Variants in AMZ1 observed in about 807,000 individuals in gnomAD.
The protein encoded by AMZ1 is archaelysin family metallopeptidase 1, also known as archaemetzincin-1.
In AMZ1, 39 loss-of-function variants were observed where a neutral mutation model predicts 29.9. That is an observed-to-expected ratio of 1.30 (90% confidence interval 1.01 to 1.70). AMZ1 has a LOEUF of 1.70. AMZ1 is among the 40% of genes most tolerant of loss of function. The pLI, the probability that AMZ1 is intolerant of heterozygous loss-of-function variation, is 0.00. For synonymous variants in AMZ1, 458 were observed against 304.0 expected (o/e 1.51, Z -5.27); for missense variants, 1,041 against 680.6 (o/e 1.53, Z -5.89).
intron 4 of AMZ1, among the ~76,000 whole-genome samples, chr7:2,726,177 G>A (rs1224453368): frequency 6.6e-6 from 1 of 152,204 alleles, no homozygotes; most frequent in Non-Finnish European, 1.5e-5. Flanking sequence ...GGCTGCATGT[G>A]CGTGAGGAAA....
downstream of AMZ1, among the ~76,000 whole-genome samples, chr7:2,724,632 C>T (rs1217647668): frequency 6.6e-6 from 1 of 152,148 alleles, no homozygotes; most frequent in Non-Finnish European, 1.5e-5. Context: ...ACCTGTGTCC[C>T]GCTTTGGTTC....
In AMZ1 at chr7:2,700,338, T is replaced by C; in HGVS notation, c.-114T>C. The C allele has an allele frequency of 7.9e-7, 1 of 1,259,590 alleles. No individual in the cohort carries two copies. The highest frequency in any genetic ancestry group is 1.1e-6 in the Non-Finnish European group (1 of 925,794). 78.0% of individuals were successfully genotyped at this position (1,259,590 alleles called of 1,614,324 possible). On this transcript the variant is annotated 5_prime_UTR_variant, in exon 2 of 7. Transcript: ENST00000683327. ...GTGTCTGTCTGCAGGGAGCCCCCGG[T>C]AGCCACTCGGATCAGCCCGAGGGAA... is the stretch of plus-strand genomic sequence containing the variant.
At chr7:2,726,561 C>T (rs35162921) in intron 4 of AMZ1, among the ~76,000 whole-genome samples, 23,635 of 152,232 alleles carry the variant, frequency 0.16, 1,985 homozygotes, top group Non-Finnish European at 0.2. Context: ...ATCCAGGCTC[C>T]CAGAGCTCAG....
At chr7:2,685,743 C>T (rs1185637544), upstream of AMZ1, among the ~76,000 whole-genome samples, 2 of 149,708 alleles carry the variant, frequency 1.3e-5, no homozygotes, top group Non-Finnish European at 3.0e-5. Flanking sequence ...GTCCCAGCTA[C>T]TTAGGAGGCT....
chr7:2,708,685 C>A lies in AMZ1; in HGVS notation c.570C>A (p.Ser190Arg). Residue 190 changes from serine (S) to arginine (R), a missense_variant, in exon 4 of 7, where the codon AGC becomes AGA. Ser to Arg is a moderately radical substitution (Grantham distance 110, BLOSUM62 -1). Transcript: ENST00000683327. Reference protein sequence around the residue: ...LSDLYPHEAWSFTFSKFLPGH... With the variant: ...LSDLYPHEAWRFTFSKFLPGH... Reference sequence around the variant, plus strand: ...ACCTGTACCCCCATGAGGCCTGGAGCTTCACCTTCAGCAAGTTCCTTCCAG... The same window carrying A: ...ACCTGTACCCCCATGAGGCCTGGAGATTCACCTTCAGCAAGTTCCTTCCAG... 1 of 1,613,126 alleles carries A rather than the reference C, an allele frequency of 6.2e-7. No homozygotes were observed.
chr7:2,712,718 AGC>A lies in AMZ1; in HGVS notation c.1338_1339del (p.Gln446HisfsTer101). ...GACCGCTGGGAGATGTTCACGGGCC[AGC>A]TCCCGGCCACCAGGCAGGACCCACC... On this transcript the variant is annotated frameshift_variant, in exon 7 of 7. Transcript: ENST00000683327. LOFTEE classifies it low-confidence loss of function (END_TRUNC). 1.2e-6 allele frequency: 2 copies of A among 1,609,682 alleles called. No homozygotes were observed. The highest frequency in any genetic ancestry group is 1.7e-6 in the Non-Finnish European group (2 of 1,178,022).
chr7:2,702,781 G>C lies in AMZ1; in HGVS notation c.364G>C (p.Ala122Pro), dbSNP rs1042727058. 9.7e-6 allele frequency: 15 copies of C among 1,544,406 alleles called. No individual in the cohort carries two copies. Among genetic ancestry groups the C allele is most frequent in the East Asian group, 2.4e-5 (1 of 41,046 alleles). ...LLHQLCSCTEAFFLGLRVKCL... is the reference protein window; with the variant it reads ...LLHQLCSCTEPFFLGLRVKCL... ...GCACCAGCTGTGCAGCTGCACAGAG[G>C]CCTTCTTCCTGGGCCTGCGCGTCAA... Residue 122 changes from alanine (A) to proline (P), a missense_variant, in exon 3 of 7, where the codon GCC becomes CCC. Physicochemically the swap from Ala to Pro is conservative, Grantham distance 27. Coordinates refer to ENST00000683327, the MANE Select transcript of AMZ1 (RefSeq NM_001384743.1).
intron 4 of AMZ1, among the ~76,000 whole-genome samples, chr7:2,751,941 T>G (rs1791060771): frequency 6.6e-6 from 1 of 152,108 alleles, no homozygotes; most frequent in Non-Finnish European, 1.5e-5. Flanking sequence ...GAAATAACAC[T>G]AACGAACGTG....
At chr7:2,751,381 A>C (rs992268351) in intron 4 of AMZ1, among the ~76,000 whole-genome samples, 1 of 145,662 alleles carries the variant, frequency 6.9e-6, no homozygotes. Flanking sequence ...ACAGAGCAAG[A>C]CCGTTTCAAA....
At chr7:2,722,492 C>T (rs798546), downstream of AMZ1, among the ~76,000 whole-genome samples, 37,931 of 151,684 alleles carry the variant, frequency 0.25, 5,246 homozygotes, top group Non-Finnish European at 0.29. Flanking sequence ...AGGATGGTGT[C>T]GATCTCCTGA....
chr7:2,746,455 G>A lies in AMZ1; in HGVS notation n.551-18257G>A, dbSNP rs1199038061. On this transcript the variant is annotated intron_variant and non_coding_transcript_variant, in intron 4 of 4. Coordinates refer to the AMZ1 transcript ENST00000489665. ...ATGAAATGAAGGCAGAAATAAAGAT[G>A]TTCTTTGAAACCAACGAGAACAAAG... Among the ~76,000 whole-genome samples, 3 of 152,286 alleles carry A rather than the reference G, an allele frequency of 2.0e-5. No homozygotes were observed. The East Asian group carries it at 5.8e-4, about 29-fold the overall frequency.
At position 2,702,821 on chromosome 7, in the gene AMZ1, T is replaced by C. The variant is rs1214485076; in HGVS notation, c.404T>C (p.Val135Ala). The change falls in exon 3 of 7, where the codon GTG (valine) becomes GCG (alanine). Residue 135 changes from valine to alanine, a missense_variant. Coordinates refer to ENST00000683327, the MANE Select transcript of AMZ1 (RefSeq NM_001384743.1). Reference protein sequence around the residue: ...LGLRVKCLPSVAAASIRCSSR... With the variant: ...LGLRVKCLPSAAAASIRCSSR... ...CTGCGCGTCAAGTGCCTGCCGTCGGTGGCAGCCGCGTCCATCCGCTGCTCC... is the reference window on the plus strand; with the variant it reads ...CTGCGCGTCAAGTGCCTGCCGTCGGCGGCAGCCGCGTCCATCCGCTGCTCC... 4 of 1,560,950 alleles carry C rather than the reference T, an allele frequency of 2.6e-6. No homozygotes were observed. The highest frequency in any genetic ancestry group is 3.5e-6 in the Non-Finnish European group (4 of 1,157,834).
At chr7:2,708,025 G>T (rs142430270) in intron 3 of AMZ1, among the ~76,000 whole-genome samples, 1 of 151,864 alleles carries the variant, frequency 6.6e-6, no homozygotes, top group Non-Finnish European at 1.5e-5. Context: ...GTTTTGTCAT[G>T]TTGGCCAGGC....
chr7:2,735,275 G>T (rs776171756), intron 4 of AMZ1, among the ~76,000 whole-genome samples: 2 of 152,126 alleles, frequency 1.3e-5, no homozygotes, highest in Non-Finnish European at 2.9e-5. Context: ...AGGGAGCTGA[G>T]AGTAGCAGCA....
At chr7:2,725,592 C>T (rs1399216604) in intron 4 of AMZ1, among the ~76,000 whole-genome samples, 3 of 152,210 alleles carry the variant, frequency 2.0e-5, no homozygotes, top group Non-Finnish European at 4.4e-5. Flanking sequence ...CTCCAGAGAG[C>T]GTGCAAGACA....
At chr7:2,705,565 C>T (rs1449415980) in intron 3 of AMZ1, among the ~76,000 whole-genome samples, 3 of 152,222 alleles carry the variant, frequency 2.0e-5, no homozygotes, top group Non-Finnish European at 4.4e-5. Context: ...TTGGAAGCAG[C>T]TGTTCTTTAT....
chr7:2,710,152 C>G (rs1044238631), intron 6 of AMZ1, among the ~76,000 whole-genome samples: 3 of 152,206 alleles, frequency 2.0e-5, no homozygotes, highest in African/African-American at 7.2e-5. Flanking sequence ...GTAACTTTCT[C>G]TTTGCTTTCC....
chr7:2,740,821 G>T (rs1790461727), intron 4 of AMZ1, among the ~76,000 whole-genome samples: 1 of 152,296 alleles, frequency 6.6e-6, no homozygotes, highest in African/African-American at 2.4e-5. Flanking sequence ...GAGGCGGACG[G>T]ATCACGAGGT....
At chr7:2,703,933 G>A (rs1267119993) in intron 3 of AMZ1, among the ~76,000 whole-genome samples, 1 of 152,148 alleles carries the variant, frequency 6.6e-6, no homozygotes, top group Non-Finnish European at 1.5e-5. Flanking sequence ...CTGTCGCCCA[G>A]GCTGGAGTGC....
Sources: allele counts gnomAD v4.1 joint callset (sites outside exome capture counted in the v4.1 genomes callset), GRCh38; gene constraint gnomAD v4.1.1; transcripts MANE v1.5; gene names NCBI Gene and HGNC (gene_info 2026-07-23, HGNC 2026-07-21).